The following HOPX variants were observed in gnomAD, a reference collection of about 807,000 sequenced individuals.
The protein encoded by HOPX is HOP homeobox.
In HOPX, 5 loss-of-function variants were observed where a neutral mutation model predicts 11.8. The ratio of observed to expected loss-of-function variants is 0.43; its 90% CI spans 0.22 to 0.89. The LOEUF is 0.89. Ranked by LOEUF, HOPX falls within the 40% of genes least tolerant of loss-of-function variation. The probability of loss-of-function intolerance (pLI) is 0.28; values close to 1 mark genes in which losing one functional copy is unlikely to be tolerated. For missense variants in HOPX, 119 were observed against 120.0 expected (o/e 0.99, Z 0.04); for synonymous variants, 49 against 49.7 (o/e 0.99, Z 0.06).
chr4:56,669,770 T>C (rs1718638905), intron 1 of HOPX, among the ~76,000 whole-genome samples: 1 of 152,140 alleles, frequency 6.6e-6, no homozygotes, highest in Non-Finnish European at 1.5e-5. Context: ...CCCCTTATTA[T>C]ACATAAAATG....
intron 2 of HOPX, chr4:56,656,470 C>T (rs1472939172): frequency 4.1e-6 from 4 of 966,708 alleles, no homozygotes; most frequent in Non-Finnish European, 4.8e-6. Context: ...TGGGTTCGCC[C>T]GAGTCCGCGA....
At chr4:56,650,911 T>C in intron 3 of HOPX, 2 of 1,184,494 alleles carry the variant, frequency 1.7e-6, no homozygotes, top group African/African-American at 3.1e-5. Flanking sequence ...TGTGCGTGTG[T>C]TTAGTTAACT....
intron 1 of HOPX, chr4:56,665,725 T>C (rs975358956): frequency 6.6e-6 from 1 of 152,206 alleles, no homozygotes; most frequent in South Asian, 2.1e-4. Flanking sequence ...AGCAACACTA[T>C]GTGTTCTTAT....
In HOPX at chr4:56,674,876, T is replaced by C. The variant is rs28704680; in HGVS notation, c.-84+6379A>G. Among the ~76,000 whole-genome samples the C allele has an allele frequency of 4.9e-4, 70 of 144,296 alleles. No individual in the cohort carries two copies. The East Asian group carries it at 6.0e-3, about 12-fold the overall frequency. The allele number at this position is 144,296 out of a possible 152,430, so 94.7% of individuals were successfully genotyped here. On this transcript the variant is annotated intron_variant, in intron 1 of 3. Transcript: ENST00000420433. Reference sequence around the variant, plus strand: ...AACCTTCCCGCCTCAGTCTCCCAAGTAGCTAAAACTACAAGTGTGTGCCAC... The same window carrying C: ...AACCTTCCCGCCTCAGTCTCCCAAGCAGCTAAAACTACAAGTGTGTGCCAC...
intron 1 of HOPX, among the ~76,000 whole-genome samples, chr4:56,670,644 G>T (rs1053940037): frequency 2.6e-5 from 4 of 152,194 alleles, no homozygotes; most frequent in African/African-American, 4.8e-5. Flanking sequence ...TTGTTGCACG[G>T]AAGAGGAAGG....
At chr4:56,675,071 A>G (rs55956425) in intron 1 of HOPX, among the ~76,000 whole-genome samples, 3 of 151,648 alleles carry the variant, frequency 2.0e-5, no homozygotes, top group Non-Finnish European at 2.9e-5. Flanking sequence ...TGGCCAAATA[A>G]GAGGCTGAAG....
intron 1 of HOPX, chr4:56,665,201 T>G (rs1718364362): frequency 6.6e-6 from 1 of 152,208 alleles, no homozygotes; most frequent in Non-Finnish European, 1.5e-5. Flanking sequence ...AGCACAGTCC[T>G]CATGCCTTGG....
Position 56,655,905 on chromosome 4 carries a change from C to G in HOPX, c.150G>C (p.Thr50=). 1 of 1,611,950 alleles carries G rather than the reference C, an allele frequency of 6.2e-7. No homozygotes were observed. Among genetic ancestry groups the G allele is most frequent in the Non-Finnish European group, 8.5e-7 (1 of 1,179,092 alleles). Residue 50 remains threonine (T), a synonymous_variant, in exon 3 of 4, where the codon ACG becomes ACC. Transcript: ENST00000420433. ...CTGCCTCGGCCGCGATGAGGCACAG[C>G]GTGGTGGAATCCGGGTGCTTGTCGA... ...NKVDKHPDST[T]LCLIAAEAGL...
At chr4:56,652,355 T>C (rs1336360299) in intron 3 of HOPX, among the ~76,000 whole-genome samples, 1 of 152,156 alleles carries the variant, frequency 6.6e-6, no homozygotes, top group Non-Finnish European at 1.5e-5. Context: ...CTTCTTTTTG[T>C]GGTACTGAAG....
chr4:56,653,831 T>C (rs532288161), intron 3 of HOPX, among the ~76,000 whole-genome samples: 2 of 152,342 alleles, frequency 1.3e-5, no homozygotes, highest in Non-Finnish European at 2.9e-5. Context: ...GAACCTGCTA[T>C]GCAGAGGTCT....
intron 1 of HOPX, among the ~76,000 whole-genome samples, chr4:56,671,917 T>G (rs577646752): frequency 1.3e-5 from 2 of 152,232 alleles, no homozygotes; most frequent in African/African-American, 4.8e-5. Context: ...CTATTGAAGC[T>G]ATTAACCTGC....
At chr4:56,676,223 G>A (rs1719011960) in intron 1 of HOPX, among the ~76,000 whole-genome samples, 1 of 151,476 alleles carries the variant, frequency 6.6e-6, no homozygotes, top group Non-Finnish European at 1.5e-5. Flanking sequence ...GCTTGAGCCT[G>A]GGAGGTGGAG....
chr4:56,670,580 G>A (rs1416657863), intron 1 of HOPX, among the ~76,000 whole-genome samples: 1 of 152,182 alleles, frequency 6.6e-6, no homozygotes, highest in African/African-American at 2.4e-5. Context: ...TTTTGTTTAG[G>A]AGAACATTAA....
chr4:56,664,472 C>T (rs73163015), intron 1 of HOPX: 4 of 152,004 alleles, frequency 2.6e-5, no homozygotes, highest in Non-Finnish European at 4.4e-5. Flanking sequence ...CTAGGCTTTC[C>T]GTAAAGTATC....
At chr4:56,658,660 A>T (rs1179886665) in intron 1 of HOPX, among the ~76,000 whole-genome samples, 1 of 152,228 alleles carries the variant, frequency 6.6e-6, no homozygotes, top group Non-Finnish European at 1.5e-5. Flanking sequence ...CCTTGGCCTT[A>T]TAAAGCTTTT....
At chr4:56,678,226 T>C (rs1003259413) in intron 1 of HOPX, among the ~76,000 whole-genome samples, 1 of 151,364 alleles carries the variant, frequency 6.6e-6, no homozygotes, top group African/African-American at 2.5e-5. Flanking sequence ...AGCCTCATCC[T>C]ACTCTCGGAC....
chr4:56,648,747 G>GT lies in HOPX; in HGVS notation c.248_249insA (p.Ser84LeufsTer52). On this transcript the variant is annotated frameshift_variant, in exon 4 of 4. Transcript: ENST00000420433. LOFTEE classifies it high-confidence loss of function. ...AGTCTGTGACGGATCTGCACTCTGA[G>GT]GGCAGGCCTTCTGAGCGCCGCCACT... 6.2e-7 allele frequency: 1 copy of GT among 1,610,962 alleles called. No homozygotes were observed. Among genetic ancestry groups the GT allele is most frequent in the African/African-American group, 1.3e-5 (1 of 75,050 alleles).
At chr4:56,650,282 A>C in intron 3 of HOPX, 2 of 164,822 alleles carry the variant, frequency 1.2e-5, no homozygotes. Flanking sequence ...GGGACGAGGA[A>C]CAGGAAGGAA....
At chr4:56,669,932 T>G (rs1159657569) in intron 1 of HOPX, among the ~76,000 whole-genome samples, 1 of 152,158 alleles carries the variant, frequency 6.6e-6, no homozygotes, top group Non-Finnish European at 1.5e-5. Flanking sequence ...CAGGAGGCTG[T>G]CTTTCACTCT....
Sources: allele counts gnomAD v4.1 joint callset (sites outside exome capture counted in the v4.1 genomes callset), GRCh38; gene constraint gnomAD v4.1.1; transcripts MANE v1.5; gene names NCBI Gene and HGNC (gene_info 2026-07-23, HGNC 2026-07-21).